Variants in PHF2 observed in about 807,000 individuals in gnomAD.
PHF2 encodes PHD finger protein 2.
A neutral mutation model predicts 120.5 loss-of-function variants in PHF2; 27 were observed. That is an observed-to-expected ratio of 0.22 (90% confidence interval 0.17 to 0.31). The LOEUF (loss-of-function observed/expected upper bound fraction) is 0.31, where lower values mean the gene tolerates loss of function less well. Among genes scored for constraint, PHF2 ranks in the 10% least tolerant of loss-of-function variants. PHF2 has a pLI of 1.00. For synonymous variants in PHF2, 568 were observed against 592.5 expected (o/e 0.96, Z 0.60); for missense variants, 1,024 against 1,434.8 (o/e 0.71, Z 4.63).
chr9:93,669,176 G>A (rs577575018), intron 17 of PHF2, among the ~76,000 whole-genome samples: 1 of 152,362 alleles, frequency 6.6e-6, no homozygotes, highest in South Asian at 2.1e-4. Context: ...GACCCTCGTA[G>A]TGGGTGTCCC....
At chr9:93,657,472 C>T (rs1346435079) in intron 9 of PHF2, among the ~76,000 whole-genome samples, 1 of 152,206 alleles carries the variant, frequency 6.6e-6, no homozygotes, top group Non-Finnish European at 1.5e-5. Flanking sequence ...AGGCAGGGAT[C>T]AGGGCAGCAC....
rs1233555091 is a variant in PHF2, at chr9:93,653,735, G to A, written c.789+370G>A. ...GCCAGGGGGCAGGAGAGGGGCATCT[G>A]AGTGGGCAGGGAAGGCTAGGAGCCT... On this transcript the variant is annotated intron_variant, in intron 6 of 21. Transcript: ENST00000359246. 2.6e-5 allele frequency among the ~76,000 whole-genome samples: 4 copies of A among 152,252 alleles called. 1 individual carries two copies. Among genetic ancestry groups the A allele is most frequent in the African/African-American group, 9.6e-5 (4 of 41,476 alleles).
At chr9:93,667,807 G>T (rs1826710237) in intron 17 of PHF2, among the ~76,000 whole-genome samples, 1 of 152,126 alleles carries the variant, frequency 6.6e-6, no homozygotes, top group South Asian at 2.1e-4. Flanking sequence ...GTCCTGGGGG[G>T]TTGACTAATG....
At chr9:93,602,147 G>A (rs1825451236) in intron 1 of PHF2, among the ~76,000 whole-genome samples, 1 of 151,948 alleles carries the variant, frequency 6.6e-6, no homozygotes, top group South Asian at 2.1e-4. Flanking sequence ...TTCTCTGAAG[G>A]TGGTGGAACT....
At chr9:93,672,492 G>T (rs73523932) in intron 17 of PHF2, 16,038 of 983,004 alleles carry the variant, frequency 0.016, 144 homozygotes, top group Middle Eastern at 0.038. Context: ...GTAGGCACAG[G>T]TGTACATGCA....
At chr9:93,583,038 G>A (rs1862962930) in intron 1 of PHF2, among the ~76,000 whole-genome samples, 2 of 152,192 alleles carry the variant, frequency 1.3e-5, no homozygotes, top group East Asian at 1.9e-4. Flanking sequence ...AAGTAAACCC[G>A]GTATCCAATA....
intron 1 of PHF2, among the ~76,000 whole-genome samples, chr9:93,618,435 A>C (rs1384656943): frequency 6.6e-6 from 1 of 152,282 alleles, no homozygotes; most frequent in Non-Finnish European, 1.5e-5. Context: ...ATACACGTGC[A>C]CACACAAACG....
chr9:93,665,768 C>T lies in PHF2; in HGVS notation c.2020C>T (p.Arg674Trp), dbSNP rs907283854. ...CAAGGAGGACAAGCCCAAGCCCGTGCGGGATGAGTATGAGTACGTGTCGGA... is the reference window on the plus strand; with the variant it reads ...CAAGGAGGACAAGCCCAAGCCCGTGTGGGATGAGTATGAGTACGTGTCGGA... The part of the protein sequence containing the change: ...NFKEDKPKPV[R>W]DEYEYVSDDG... The change falls in exon 15 of 22, where the codon CGG becomes TGG. Residue 674 changes from arginine to tryptophan, a missense_variant. Arg to Trp is a moderately radical substitution (Grantham distance 101, BLOSUM62 -3). Transcript: ENST00000359246. 8.1e-6 allele frequency: 13 copies of T among 1,611,696 alleles called. No homozygotes were observed. The highest frequency in any genetic ancestry group is 4.0e-5 in the African/African-American group (3 of 74,758).
intron 1 of PHF2, among the ~76,000 whole-genome samples, chr9:93,622,336 C>T (rs1230084396): frequency 1.3e-5 from 2 of 152,208 alleles, no homozygotes; most frequent in Non-Finnish European, 1.5e-5. Context: ...TAACAGCCCC[C>T]GCTGTCACCC....
intron 1 of PHF2, among the ~76,000 whole-genome samples, chr9:93,597,534 G>A (rs1196319232): frequency 1.3e-5 from 2 of 152,102 alleles, no homozygotes; most frequent in Admixed American, 6.5e-5. Context: ...GGCAGGAAGC[G>A]GGGTTGGGGG....
intron 1 of PHF2, among the ~76,000 whole-genome samples, chr9:93,617,678 C>G (rs568400226): frequency 1.3e-5 from 2 of 152,184 alleles, no homozygotes; most frequent in South Asian, 2.1e-4. Flanking sequence ...TTAACTCACA[C>G]GATCACAAGG....
chr9:93,637,066 T>G (rs1826105886), intron 3 of PHF2, among the ~76,000 whole-genome samples: 1 of 152,272 alleles, frequency 6.6e-6, no homozygotes. Flanking sequence ...CTGCAGCCGT[T>G]CATGAGCTGG....
At position 93,622,595 on chromosome 9, in the gene PHF2, C is replaced by T. The variant is rs149264815; in HGVS notation, c.99-7375C>T. Among the ~76,000 whole-genome samples the T allele has an allele frequency of 2.3e-3, 348 of 152,264 alleles. 2 individuals are homozygous for T. The highest frequency in any genetic ancestry group is 8.1e-3 in the African/African-American group (337 of 41,548). ...GGGAGCCAGGGAGTGCAGATGGCCT[C>T]TAGGAACTGGAGGAGGTGGGAACAA... On this transcript the variant is annotated intron_variant, in intron 1 of 21. Coordinates refer to ENST00000359246, the MANE Select transcript of PHF2 (RefSeq NM_005392.4).
chr9:93,659,454 G>A lies in PHF2; in HGVS notation c.1240-57G>A. Reference sequence around the variant, plus strand: ...GGCGACAGCCTGCAAGAATGCAGGGGTAAGTCAGGACCACGGGAGGTGTCT... The same window carrying A: ...GGCGACAGCCTGCAAGAATGCAGGGATAAGTCAGGACCACGGGAGGTGTCT... On this transcript the variant is annotated intron_variant, in intron 10 of 21. Transcript: ENST00000359246. The A allele has an allele frequency of 2.8e-6, 4 of 1,408,364 alleles. No individual in the cohort carries two copies. The Admixed American group carries it at 5.0e-5, about 18-fold the overall frequency. The allele number at this position is 1,408,364 out of a possible 1,614,324, so 87.2% of individuals were successfully genotyped here.
rs1826695840 is a variant in PHF2, at chr9:93,667,091, C to T, written c.2199C>T (p.Ser733=). The part of the protein sequence containing the change: ...LDSAAYKSDD[S]SDEGSLHIDT... ...CCCTCGCGCAGCAGAGTGATGACTC[C>T]TCGGACGAGGGTTCGCTGCACATCG... The change falls in exon 17 of 22, where the codon TCC becomes TCT. Residue 733 remains serine (S), a synonymous_variant. Coordinates refer to ENST00000359246, the MANE Select transcript of PHF2 (RefSeq NM_005392.4). 2.5e-6 allele frequency: 4 copies of T among 1,612,974 alleles called. No individual in the cohort carries two copies. The South Asian group carries it at 3.3e-5, about 13-fold the overall frequency.
chr9:93,661,509 GGATT>G (rs1826565175), intron 12 of PHF2, among the ~76,000 whole-genome samples: 1 of 152,144 alleles, frequency 6.6e-6, no homozygotes, highest in Non-Finnish European at 1.5e-5. Flanking sequence ...ATGGTTGAAT[GGATT>G]AACGAATGGA....
At chr9:93,636,630 T>C in intron 3 of PHF2, 105 bp downstream of exon 3, 1 of 867,920 alleles carries the variant, frequency 1.2e-6, no homozygotes, top group Non-Finnish European at 1.8e-6. Flanking sequence ...TTGCTATCCT[T>C]GCTGGAAAGC....
intron 14 of PHF2, among the ~76,000 whole-genome samples, chr9:93,665,016 T>C (rs1305662508): frequency 6.6e-6 from 1 of 152,214 alleles, no homozygotes; most frequent in African/African-American, 2.4e-5. Flanking sequence ...TGCTACTATA[T>C]AGAGAGAAAC....
At chr9:93,630,323 A>T (rs1464107545) in intron 2 of PHF2, among the ~76,000 whole-genome samples, 1 of 152,250 alleles carries the variant, frequency 6.6e-6, no homozygotes, top group Non-Finnish European at 1.5e-5. Flanking sequence ...AGGCCTAGCG[A>T]GAGGCCAGGC....
Sources: allele counts gnomAD v4.1 joint callset (sites outside exome capture counted in the v4.1 genomes callset), GRCh38; gene constraint gnomAD v4.1.1; transcripts MANE v1.5; gene names NCBI Gene and HGNC (gene_info 2026-07-23, HGNC 2026-07-21).